Variants in NTRK3 observed in about 807,000 individuals in gnomAD.
NTRK3 encodes the protein neurotrophic receptor tyrosine kinase 3, also known as NT-3 growth factor receptor.
A neutral mutation model predicts 91.7 loss-of-function variants in NTRK3; 24 were observed. That is an observed-to-expected ratio of 0.26 (90% confidence interval 0.19 to 0.37). The LOEUF is 0.37. Among genes scored for constraint, NTRK3 ranks in the 10% least tolerant of loss-of-function variants. NTRK3 has a pLI of 1.00. For synonymous variants in NTRK3, 483 were observed against 404.0 expected, an observed-to-expected ratio of 1.20 and a Z score of -2.34; for missense variants, 880 against 1,068.9, an observed-to-expected ratio of 0.82 and a Z score of 2.46.
intron 14 of NTRK3, among the ~76,000 whole-genome samples, chr15:87,965,139 A>G (rs1255047858): frequency 6.6e-6 from 1 of 152,278 alleles, no homozygotes; most frequent in African/African-American, 2.4e-5. Context: ...AAATAAGTAC[A>G]TAAAAAAGAT....
chr15:88,142,639 A>C (rs1396529126), intron 6 of NTRK3, among the ~76,000 whole-genome samples: 3 of 152,246 alleles, frequency 2.0e-5, no homozygotes, highest in African/African-American at 7.2e-5. Flanking sequence ...AAGGATCCCC[A>C]AAGGATGGAG....
intron 14 of NTRK3, among the ~76,000 whole-genome samples, chr15:88,024,914 C>T (rs16941145): frequency 0.012 from 1,752 of 152,300 alleles, 34 homozygotes; most frequent in African/African-American, 0.04. Context: ...TGGTCTTTGA[C>T]CGATGACAGC....
chr15:87,983,718 A>G (rs1441946328), intron 14 of NTRK3, among the ~76,000 whole-genome samples: 1 of 152,156 alleles, frequency 6.6e-6, no homozygotes, highest in Non-Finnish European at 1.5e-5. Flanking sequence ...TGCAATACGG[A>G]TCTCATTTGT....
At chr15:87,971,015 TTGGCC>T (rs2141272558) in intron 14 of NTRK3, among the ~76,000 whole-genome samples, 1 of 152,300 alleles carries the variant, frequency 6.6e-6, no homozygotes, top group East Asian at 1.9e-4. Flanking sequence ...AACGACTAGG[TTGGCC>T]ATTTGGTATC....
chr15:88,149,668 G>T (rs1213131543), intron 5 of NTRK3, among the ~76,000 whole-genome samples: 2 of 152,212 alleles, frequency 1.3e-5, no homozygotes, highest in Non-Finnish European at 2.9e-5. Flanking sequence ...ACCACCTGGG[G>T]CAAAGCCCCA....
Position 88,025,047 on chromosome 15 carries a change from C to CCACA in NTRK3, c.1585+7806_1585+7809dup, listed in dbSNP as rs147158442. Among the ~76,000 whole-genome samples the CCACA allele has an allele frequency of 2.1e-4, 32 of 150,900 alleles. 1 individual carries two copies. In the East Asian group the frequency reaches 6.0e-3, roughly 28 times the overall value. ...GGTTGGTACAATCACACGTGTGTGG[C>CCACA]CACACACACACACACACAACACATA... On this transcript the variant is annotated intron_variant, in intron 14 of 18. Transcript: ENST00000394480.
At chr15:88,012,529 T>C (rs1326581645) in intron 14 of NTRK3, among the ~76,000 whole-genome samples, 2 of 152,216 alleles carry the variant, frequency 1.3e-5, no homozygotes, top group Non-Finnish European at 2.9e-5. Context: ...CTCTTGTTTA[T>C]ATCACTGTCA....
intron 17 of NTRK3, chr15:87,908,509 C>G: frequency 2.5e-6 from 1 of 399,746 alleles, no homozygotes; most frequent in Non-Finnish European, 4.4e-6. Context: ...GCCGTTGCTG[C>G]TAGCCTCTGC....
chr15:88,058,688 C>A (rs2045940676), intron 13 of NTRK3, among the ~76,000 whole-genome samples: 1 of 152,160 alleles, frequency 6.6e-6, no homozygotes, highest in East Asian at 1.9e-4. Flanking sequence ...TATATCCATC[C>A]CCATCTGTTG....
chr15:87,990,261 C>T (rs908568289), intron 14 of NTRK3, among the ~76,000 whole-genome samples: 28 of 152,188 alleles, frequency 1.8e-4, no homozygotes, highest in African/African-American at 5.6e-4. Context: ...ATTATCTTTT[C>T]AGACTCTTTT....
At chr15:88,207,699 G>C (rs183197150) in intron 3 of NTRK3, among the ~76,000 whole-genome samples, 2 of 150,816 alleles carry the variant, frequency 1.3e-5, no homozygotes, top group East Asian at 4.0e-4. Flanking sequence ...CAGGTCCCCA[G>C]ATAAGGCTAT....
chr15:88,152,442 T>C (rs1567537767), intron 5 of NTRK3, among the ~76,000 whole-genome samples: 1 of 152,162 alleles, frequency 6.6e-6, no homozygotes, highest in Non-Finnish European at 1.5e-5. Flanking sequence ...AGTGTCCTTA[T>C]AAGAAGAGAA....
intron 17 of NTRK3, among the ~76,000 whole-genome samples, chr15:87,923,878 CT>C (rs1371004565): frequency 6.6e-6 from 1 of 152,074 alleles, no homozygotes; most frequent in African/African-American, 2.4e-5. Flanking sequence ...CATTCTTGGT[CT>C]TTTGCCATGT....
intron 5 of NTRK3, among the ~76,000 whole-genome samples, chr15:88,183,197 C>G (rs1476550677): frequency 6.6e-6 from 1 of 152,164 alleles, no homozygotes; most frequent in Non-Finnish European, 1.5e-5. Context: ...CTCTCCCTCT[C>G]AGCCCCTGGT....
chr15:87,909,371 GAC>G (rs2066954306), intron 17 of NTRK3, among the ~76,000 whole-genome samples: 3 of 152,294 alleles, frequency 2.0e-5, no homozygotes, highest in South Asian at 4.1e-4. Flanking sequence ...AGAGACAAGA[GAC>G]ACAGTCTCTG....
At chr15:88,042,095 C>T (rs187138929) in intron 13 of NTRK3, among the ~76,000 whole-genome samples, 1 of 152,218 alleles carries the variant, frequency 6.6e-6, no homozygotes, top group African/African-American at 2.4e-5. Flanking sequence ...TCAACCTTTT[C>T]CTACTGATAG....
chr15:88,208,310 G>C (rs1316949859), intron 3 of NTRK3, among the ~76,000 whole-genome samples: 1 of 151,738 alleles, frequency 6.6e-6, no homozygotes, highest in African/African-American at 2.4e-5. Context: ...CACCCCCTTT[G>C]GATGTCCCAT....
At position 87,988,928 on chromosome 15, in the gene NTRK3, A is replaced by T. The variant is rs890710177; in HGVS notation, c.1585+43929T>A. Among the ~76,000 whole-genome samples the T allele has an allele frequency of 1.5e-4, 22 of 151,108 alleles. No homozygotes were observed. In the East Asian group the frequency reaches 4.1e-3, roughly 28 times the overall value. On this transcript the variant is annotated intron_variant, in intron 14 of 18. Coordinates refer to ENST00000394480, the Ensembl canonical transcript of NTRK3. ...GTGTTTCATACTTTTTTTTATTTTTATTTTTTTTAGAGAGGGTCTGGCTCT... is the reference window on the plus strand; with the variant it reads ...GTGTTTCATACTTTTTTTTATTTTTTTTTTTTTTAGAGAGGGTCTGGCTCT...
chr15:88,092,739 T>C (rs143337928), intron 13 of NTRK3, among the ~76,000 whole-genome samples: 79 of 152,332 alleles, frequency 5.2e-4, no homozygotes, highest in African/African-American at 1.9e-3. Flanking sequence ...CTGTTTCAGC[T>C]TCTTTCTAGC....
Sources: allele counts gnomAD v4.1 joint callset (sites outside exome capture counted in the v4.1 genomes callset), GRCh38; gene constraint gnomAD v4.1.1; transcripts MANE v1.5; gene names NCBI Gene and HGNC (gene_info 2026-07-23, HGNC 2026-07-21).